Variants in SMC4 observed in about 807,000 individuals in gnomAD.
SMC4 encodes structural maintenance of chromosomes 4, also known as structural maintenance of chromosomes protein 4.
SMC4 carries 87 observed loss-of-function variants against 145.6 expected under a neutral mutation model. That is an observed-to-expected ratio of 0.60 (90% CI 0.50 to 0.71). SMC4 has a LOEUF of 0.71. Among genes scored for constraint, SMC4 ranks in the 30% least tolerant of loss-of-function variants. The probability of loss-of-function intolerance (pLI) is 0.00; values close to 1 mark genes in which losing one functional copy is unlikely to be tolerated. For synonymous variants in SMC4, 558 were observed against 500.7 expected (o/e 1.11, Z -1.53); for missense variants, 1,447 against 1,537.1 (o/e 0.94, Z 0.98).
At chr3:160,423,390 CTG>C (rs777670708) in intron 13 of SMC4, 33 bp from the exon 14 acceptor site, 4 of 681,414 alleles carry the variant, frequency 5.9e-6, no homozygotes, top group Non-Finnish European at 8.5e-6. Flanking sequence ...TTTTTGTTAA[CTG>C]TTGTTTTTGT....
Position 160,420,794 on chromosome 3 carries a change from C to T in SMC4, c.1912C>T (p.His638Tyr). The T allele has an allele frequency of 6.2e-7, 1 of 1,614,006 alleles. No individual in the cohort carries two copies. Among genetic ancestry groups the T allele is most frequent in the Non-Finnish European group, 8.5e-7 (1 of 1,179,952 alleles). ...CGACGTGGCTATATCATCCTGTTGT[C>T]ATGCACTGGACTACATTGTTGTTGA... The part of the protein sequence containing the change: ...KYDVAISSCC[H>Y]ALDYIVVDSI... The change falls in exon 13 of 24, where the codon CAT (histidine) becomes TAT (tyrosine). Residue 638 changes from histidine to tyrosine, a missense_variant. Transcript: ENST00000357388.
rs938674372 is a variant in SMC4, at chr3:160,434,133, C to T, written c.*324C>T. The T allele has an allele frequency of 1.0e-4, 19 of 188,740 alleles. No individual in the cohort carries two copies. The highest frequency in any genetic ancestry group is 4.5e-4 in the African/African-American group (19 of 42,188). 11.7% of individuals were successfully genotyped at this position (188,740 alleles called of 1,614,324 possible). ...GTGCTATCAAGGCTCAGCATACCTTCGTGGGCCTTTGATTTACCAACACTG... is the reference window on the plus strand; with the variant it reads ...GTGCTATCAAGGCTCAGCATACCTTTGTGGGCCTTTGATTTACCAACACTG... On this transcript the variant is annotated 3_prime_UTR_variant, in exon 24 of 24. Transcript: ENST00000357388.
intron 5 of SMC4, chr3:160,411,652 A>G (rs1227137685): frequency 4.2e-6 from 1 of 238,270 alleles, no homozygotes. Context: ...GAGTGTGTGT[A>G]AGTGGGTGTA....
Position 160,417,819 on chromosome 3 carries a change from CGTCATAATACTGCAGT to C in SMC4, c.1538_1553del (p.His513LeufsTer3). 2 of 1,613,422 alleles carry C rather than the reference CGTCATAATACTGCAGT, an allele frequency of 1.2e-6. No homozygotes were observed. The highest frequency in any genetic ancestry group is 1.7e-6 in the Non-Finnish European group (2 of 1,179,780). On this transcript the variant is annotated frameshift_variant, in exon 11 of 24. Coordinates refer to ENST00000357388, the MANE Select transcript of SMC4 (RefSeq NM_001002800.3). LOFTEE classifies it high-confidence loss of function. ...GTCAGAACTTGATATCTATCTCAGT[CGTCATAATACTGCAGT>C]GTCTCAATTAACTAAGGCTAAGGAA...
At position 160,400,833 on chromosome 3, in the gene SMC4, C is replaced by T. The variant is rs1308714967; in HGVS notation, c.7C>T (p.Arg3Cys). 1 of 1,536,874 alleles carries T rather than the reference C, an allele frequency of 6.5e-7. No homozygotes were observed. The highest frequency in any genetic ancestry group is 1.4e-5 in the African/African-American group (1 of 69,892). The part of the protein sequence containing the change: MP[R>C]KGTQPSTARR... ...TCCCCCGGCCCCAGCGACCATGCCCCGTAAAGGCACCCAGCCCTCCACTGC... is the reference window on the plus strand; with the variant it reads ...TCCCCCGGCCCCAGCGACCATGCCCTGTAAAGGCACCCAGCCCTCCACTGC... Residue 3 changes from arginine (R) to cysteine (C), a missense_variant, in exon 2 of 24, where the codon CGT becomes TGT. Arg to Cys is a radical substitution (Grantham distance 180, BLOSUM62 -3). Coordinates refer to ENST00000357388, the MANE Select transcript of SMC4 (RefSeq NM_001002800.3).
intron 5 of SMC4, among the ~76,000 whole-genome samples, chr3:160,407,907 T>C (rs931764867): frequency 4.6e-5 from 7 of 152,212 alleles, no homozygotes; most frequent in African/African-American, 1.7e-4. Flanking sequence ...CTTTCTGTTT[T>C]ATTTTAGAAA....
intron 5 of SMC4, among the ~76,000 whole-genome samples, chr3:160,410,450 A>G (rs1235253204): frequency 6.6e-6 from 1 of 152,226 alleles, no homozygotes; most frequent in Non-Finnish European, 1.5e-5. Context: ...AATCCTGTCT[A>G]AAACTTAAAC....
rs1473858671 is a variant in SMC4 at position 160,434,776 on chromosome 3, G to A, written c.*967G>A. ...GGTATTGTATTAGAAGTCTGCCCTA[G>A]CTGTTAAATTTCTGGGTATTTATCC... is the stretch of plus-strand genomic sequence containing the variant. On this transcript the variant is annotated 3_prime_UTR_variant, in exon 24 of 24. Coordinates refer to ENST00000357388, the MANE Select transcript of SMC4 (RefSeq NM_001002800.3). 2 of 152,128 alleles carry A rather than the reference G, an allele frequency of 1.3e-5. No homozygotes were observed. The highest frequency in any genetic ancestry group is 2.9e-5 in the Non-Finnish European group (2 of 68,028). 9.4% of individuals were successfully genotyped at this position (152,128 alleles called of 1,614,324 possible).
Position 160,433,106 on chromosome 3 carries a change from T to C in SMC4, c.3611T>C (p.Val1204Ala), listed in dbSNP as rs755710601. The change falls in exon 23 of 24, where the codon GTA becomes GCA. Residue 1204 changes from valine (V) to alanine (A), a missense_variant. Coordinates refer to ENST00000357388, the MANE Select transcript of SMC4 (RefSeq NM_001002800.3). ...AAAACACTTAGTTCATTGGCTTTAG[T>C]ATTTGCTCTTCACCACTACAAGCCC... The part of the protein sequence containing the change: ...GEKTLSSLAL[V>A]FALHHYKPTP... The C allele has an allele frequency of 5.6e-6, 9 of 1,613,086 alleles. No individual in the cohort carries two copies. The highest frequency in any genetic ancestry group is 7.6e-6 in the Non-Finnish European group (9 of 1,179,212).
At chr3:160,418,136 CTA>C (rs980961962) in intron 11 of SMC4, among the ~76,000 whole-genome samples, 180 bp downstream of exon 11, 1 of 152,082 alleles carries the variant, frequency 6.6e-6, no homozygotes, top group Non-Finnish European at 1.5e-5. Flanking sequence ...TATCAAGAAA[CTA>C]TATTATCCCC....
rs1718763051 is a variant in SMC4 at position 160,434,412 on chromosome 3, A to G, written c.*603A>G. 1 of 152,218 alleles carries G rather than the reference A, an allele frequency of 6.6e-6. No homozygotes were observed. Among genetic ancestry groups the G allele is most frequent in the Non-Finnish European group, 1.5e-5 (1 of 68,046 alleles). 9.4% of individuals were successfully genotyped at this position (152,218 alleles called of 1,614,324 possible). ...AAGCCTAGGCTATCTCGTAAGTTGA[A>G]AAATATCCCACTATAGTTGCTTCAT... On this transcript the variant is annotated 3_prime_UTR_variant, in exon 24 of 24. Coordinates refer to ENST00000357388, the MANE Select transcript of SMC4 (RefSeq NM_001002800.3).
rs557858316 is a variant in SMC4 at position 160,430,951 on chromosome 3, T to G, written c.2941-81T>G. The G allele has an allele frequency of 1.1e-5, 15 of 1,381,354 alleles. No homozygotes were observed. The East Asian group carries it at 1.2e-4, about 11-fold the overall frequency. 85.6% of individuals were successfully genotyped at this position (1,381,354 alleles called of 1,614,324 possible). ...AAATGGAAGGGGCATGAGGAGAGAT[T>G]GGTAATTCCTTCATCTCTGTAATGT... On this transcript the variant is annotated intron_variant, in intron 19 of 23. Transcript: ENST00000357388.
chr3:160,424,834 T>C (rs1378632658), intron 15 of SMC4, 33 bp from the exon 16 acceptor site: 3 of 1,610,724 alleles, frequency 1.9e-6, no homozygotes, highest in Non-Finnish European at 2.5e-6. Flanking sequence ...TCTGTCAATC[T>C]GAAATGGCTC....
Position 160,411,937 on chromosome 3 carries a change from T to G in SMC4, c.705T>G (p.Ile235Met), listed in dbSNP as rs369856117. ...FLILQGEVEQ[I>M]AMMKPKGQTE... is the part of the protein sequence containing the mutation. ...TTTTAAAGGGTGAAGTTGAACAAAT[T>G]GCTATGATGAAACCAAAAGGCCAGA... The change falls in exon 6 of 24, where the codon ATT becomes ATG. Residue 235 changes from isoleucine (I) to methionine (M), a missense_variant. Physicochemically the swap from Ile to Met is conservative, Grantham distance 10. Transcript: ENST00000357388. 1.2e-6 allele frequency: 2 copies of G among 1,612,590 alleles called. No homozygotes were observed. Among genetic ancestry groups the G allele is most frequent in the Non-Finnish European group, 1.7e-6 (2 of 1,179,294 alleles).
intron 14 of SMC4, 24 bp downstream of exon 14, chr3:160,423,674 T>C: frequency 6.3e-7 from 1 of 1,599,164 alleles, no homozygotes; most frequent in East Asian, 2.2e-5. Context: ...TGTTTCTTGG[T>C]TTGTTTTTTT....
intron 21 of SMC4, 65 bp downstream of exon 21, chr3:160,431,890 C>G: frequency 6.7e-7 from 1 of 1,490,734 alleles, no homozygotes; most frequent in Non-Finnish European, 9.1e-7. Flanking sequence ...AAATTCTGAT[C>G]TTTAGTTTTG....
chr3:160,413,786 A>T, intron 8 of SMC4, 173 bp downstream of exon 8: 1 of 444,558 alleles, frequency 2.2e-6, no homozygotes, highest in South Asian at 3.0e-5. Flanking sequence ...CTTGTTACAG[A>T]TGAAATTCCC....
chr3:160,404,081 T>C (rs867426473), intron 4 of SMC4: 5 of 396,656 alleles, frequency 1.3e-5, no homozygotes, highest in Middle Eastern at 6.7e-4. Context: ...GGTGGGTTTT[T>C]TCGTTGGCTG....
intron 5 of SMC4, among the ~76,000 whole-genome samples, chr3:160,407,999 TAAAG>T (rs1329125689): frequency 2.0e-5 from 3 of 152,062 alleles, no homozygotes; most frequent in East Asian, 1.9e-4. Flanking sequence ...TGGAGGAAGA[TAAAG>T]AACACTAATT....
Sources: gnomAD v4.1 joint callset for allele counts (sites outside exome capture counted in the v4.1 genomes callset) on GRCh38, gnomAD v4.1.1 for gene constraint, MANE v1.5 for transcripts, NCBI Gene and HGNC (gene_info 2026-07-23, HGNC 2026-07-21) for gene names.